Variants in ELP4 observed in about 807,000 individuals in gnomAD.
ELP4 encodes the protein elongator complex protein 4.
In ELP4, 51 loss-of-function variants were observed where a neutral mutation model predicts 48.9. The observed-to-expected ratio is 1.04, with a 90% CI of 0.83 to 1.32. The LOEUF (loss-of-function observed/expected upper bound fraction) is 1.32, where lower values mean the gene tolerates loss of function less well. Ranked by LOEUF, ELP4 falls within the 40% of genes most tolerant of loss-of-function variation. The pLI is 0.00. For synonymous variants in ELP4, 210 were observed against 189.2 expected, an observed-to-expected ratio of 1.11 and a Z score of -0.90; for missense variants, 519 against 514.6, an observed-to-expected ratio of 1.01 and a Z score of -0.08.
chr11:31,670,936 T>A (rs1015230953), intron 9 of ELP4, among the ~76,000 whole-genome samples: 1 of 152,078 alleles, frequency 6.6e-6, no homozygotes, highest in Non-Finnish European at 1.5e-5. Context: ...CCTTAATCTA[T>A]ATGTAATATA....
At position 31,531,743 on chromosome 11, in the gene ELP4, T is replaced by G. The variant is rs1396916847; in HGVS notation, c.260-7919T>G. 2.0e-5 allele frequency among the ~76,000 whole-genome samples: 3 copies of G among 152,220 alleles called. No individual in the cohort carries two copies. In the East Asian group the frequency reaches 5.8e-4, roughly 29 times the overall value. ...CGACTGAGAGCAATGAAAAGCCATT[T>G]AAGTTTTTGAAACGGGAGTGACAAG... is the stretch of plus-strand genomic sequence containing the variant. On this transcript the variant is annotated intron_variant, in intron 2 of 9. Coordinates refer to ENST00000640961, the MANE Select transcript of ELP4 (RefSeq NM_019040.5).
chr11:31,736,352 A>C (rs1049428332), intron 9 of ELP4, among the ~76,000 whole-genome samples: 1 of 152,270 alleles, frequency 6.6e-6, no homozygotes, highest in South Asian at 2.1e-4. Flanking sequence ...CTTACATGGT[A>C]GACCTAAAAC....
At chr11:31,601,705 CAAACTT>C (rs1254070667) in intron 4 of ELP4, among the ~76,000 whole-genome samples, 1 of 152,046 alleles carries the variant, frequency 6.6e-6, no homozygotes, top group Non-Finnish European at 1.5e-5. Context: ...TTTATTAACT[CAAACTT>C]AAAAGAAGTG....
chr11:31,516,657 A>G (rs1956117438), intron 1 of ELP4, among the ~76,000 whole-genome samples: 1 of 151,976 alleles, frequency 6.6e-6, no homozygotes, highest in Admixed American at 6.6e-5. Flanking sequence ...ACGCCTTGCT[A>G]ATTTTTGTAT....
chr11:31,530,464 A>T (rs868593195), intron 2 of ELP4, among the ~76,000 whole-genome samples: 2 of 152,158 alleles, frequency 1.3e-5, no homozygotes, highest in African/African-American at 4.8e-5. Context: ...CAGTAGTTTC[A>T]TGAAGAAAGT....
In ELP4 at chr11:31,683,684, TA is replaced by T. The variant is rs948171208; in HGVS notation, c.1143+33464del. Among the ~76,000 whole-genome samples the T allele has an allele frequency of 5.3e-5, 8 of 152,290 alleles. No individual in the cohort carries two copies. In the East Asian group the frequency reaches 9.6e-4, roughly 18 times the overall value. On this transcript the variant is annotated intron_variant, in intron 9 of 9. Transcript: ENST00000640961. ...AACATCTATTTAAAAGCCTACTGTA[TA>T]GGGGGTACTAGAGATACAAAAATAA...
At chr11:31,701,022 A>G (rs1158898683) in intron 9 of ELP4, among the ~76,000 whole-genome samples, 1 of 152,062 alleles carries the variant, frequency 6.6e-6, no homozygotes, top group East Asian at 1.9e-4. Context: ...CTTGGATTTC[A>G]AGCAGTACCT....
At chr11:31,655,994 GT>G (rs1475336933) in intron 9 of ELP4, among the ~76,000 whole-genome samples, 1 of 151,916 alleles carries the variant, frequency 6.6e-6, no homozygotes, top group African/African-American at 2.4e-5. Context: ...TAAGGAAATT[GT>G]TTCTAAGTGG....
At position 31,594,992 on chromosome 11, in the gene ELP4, G is replaced by T. The variant is rs973917979; in HGVS notation, c.513+91G>T. On this transcript the variant is annotated intron_variant, in intron 4 of 9. Coordinates refer to ENST00000640961, the MANE Select transcript of ELP4 (RefSeq NM_019040.5). ...TTGTGGTATGCCTATATGTGTATTT[G>T]TTTATTTAAAGAATTAGCTGTTTCA... The T allele has an allele frequency of 2.9e-5, 31 of 1,054,574 alleles. No homozygotes were observed. The African/African-American group carries it at 3.9e-4, about 13-fold the overall frequency. 65.3% of individuals were successfully genotyped at this position (1,054,574 alleles called of 1,614,324 possible).
At chr11:31,698,569 C>T (rs1235531184) in intron 9 of ELP4, among the ~76,000 whole-genome samples, 1 of 152,010 alleles carries the variant, frequency 6.6e-6, no homozygotes. Flanking sequence ...TGGGCCACCA[C>T]TCCTGGCTAA....
intron 9 of ELP4, among the ~76,000 whole-genome samples, chr11:31,678,548 T>G (rs1945986597): frequency 6.7e-6 from 1 of 149,938 alleles, no homozygotes; most frequent in African/African-American, 2.5e-5. Flanking sequence ...TGTGTATATG[T>G]GCATTTTATG....
intron 9 of ELP4, among the ~76,000 whole-genome samples, chr11:31,681,009 T>C (rs577485813): frequency 8.9e-4 from 136 of 152,198 alleles, no homozygotes; most frequent in Non-Finnish European, 1.5e-3. Flanking sequence ...TTTATTAACC[T>C]GAGGTTAAGT....
At chr11:31,585,625 A>G (rs1957459113) in intron 3 of ELP4, among the ~76,000 whole-genome samples, 1 of 152,206 alleles carries the variant, frequency 6.6e-6, no homozygotes, top group South Asian at 2.1e-4. Context: ...GGAATTTAGT[A>G]AGAACATGAA....
chr11:31,545,335 A>T (rs1329141575), intron 3 of ELP4, among the ~76,000 whole-genome samples: 1 of 152,250 alleles, frequency 6.6e-6, no homozygotes, highest in Non-Finnish European at 1.5e-5. Context: ...TATGTGAAGA[A>T]TGCAGAAGCC....
At chr11:31,593,204 A>G (rs549996913) in intron 3 of ELP4, among the ~76,000 whole-genome samples, 3 of 151,428 alleles carry the variant, frequency 2.0e-5, no homozygotes, top group Admixed American at 6.6e-5. Flanking sequence ...ACTCCTTACA[A>G]CAACCCATTG....
intron 3 of ELP4, among the ~76,000 whole-genome samples, chr11:31,586,979 G>GA (rs1460198878): frequency 3.9e-5 from 6 of 151,982 alleles, no homozygotes; most frequent in African/African-American, 1.4e-4. Flanking sequence ...GATCTCTCTT[G>GA]AAAAAAATAA....
intron 9 of ELP4, among the ~76,000 whole-genome samples, chr11:31,691,656 A>G (rs1946284440): frequency 1.3e-5 from 2 of 152,138 alleles, no homozygotes; most frequent in Non-Finnish European, 2.9e-5. Flanking sequence ...ACCAAATAGA[A>G]TGGTACATAT....
intron 9 of ELP4, among the ~76,000 whole-genome samples, chr11:31,703,791 T>C (rs1196453501): frequency 6.6e-6 from 1 of 152,214 alleles, no homozygotes; most frequent in Non-Finnish European, 1.5e-5. Flanking sequence ...ATTAGTGCAA[T>C]TGTTTTATCT....
chr11:31,712,680 A>C (rs1199938575), intron 9 of ELP4, among the ~76,000 whole-genome samples: 2 of 152,188 alleles, frequency 1.3e-5, no homozygotes, highest in African/African-American at 4.8e-5. Context: ...ATAACAGCTT[A>C]CAGCAGGTAA....
Sources: gnomAD v4.1 joint callset for allele counts (sites outside exome capture counted in the v4.1 genomes callset) on GRCh38, gnomAD v4.1.1 for gene constraint, MANE v1.5 for transcripts, NCBI Gene and HGNC (gene_info 2026-07-23, HGNC 2026-07-21) for gene names.